TACC2: variants seen among roughly 807,000 people sequenced by gnomAD.
TACC2 encodes transforming acidic coiled-coil containing protein 2.
TACC2 carries 137 observed loss-of-function variants against 227.3 expected under a neutral mutation model. The observed-to-expected ratio is 0.60, with a 90% CI of 0.52 to 0.69. The LOEUF (loss-of-function observed/expected upper bound fraction) is 0.69. Ranked by LOEUF, TACC2 falls within the 30% of genes least tolerant of loss-of-function variation. The pLI is 0.00. For missense variants in TACC2, 3,470 were observed against 3,694.4 expected (o/e 0.94, Z 1.57); for synonymous variants, 1,523 against 1,487.5 (o/e 1.02, Z -0.55).
intron 1 of TACC2, among the ~76,000 whole-genome samples, chr10:122,010,791 T>C (rs1955826694): frequency 6.6e-6 from 1 of 152,220 alleles, no homozygotes; most frequent in Non-Finnish European, 1.5e-5. Context: ...GGAAATCTTA[T>C]CAGTTAGCTT....
chr10:122,035,250 T>C (rs1323346141), intron 2 of TACC2, among the ~76,000 whole-genome samples: 1 of 152,196 alleles, frequency 6.6e-6, no homozygotes, highest in Non-Finnish European at 1.5e-5. Context: ...TTTATTGGCT[T>C]GGTGGACATT....
intron 1 of TACC2, among the ~76,000 whole-genome samples, chr10:122,006,838 A>G (rs1299667560): frequency 6.9e-6 from 1 of 145,370 alleles, no homozygotes; most frequent in Non-Finnish European, 1.5e-5. Flanking sequence ...GCCATTTCTT[A>G]TCCTCTTCAT....
At chr10:122,045,109 A>G (rs924157924) in intron 2 of TACC2, among the ~76,000 whole-genome samples, 2 of 152,210 alleles carry the variant, frequency 1.3e-5, no homozygotes, top group African/African-American at 4.8e-5. Context: ...GGCTGAGGGT[A>G]CGTCTTTCGA....
At chr10:122,162,796 C>T (rs1486315631) in intron 7 of TACC2, among the ~76,000 whole-genome samples, 4 of 152,218 alleles carry the variant, frequency 2.6e-5, no homozygotes, top group South Asian at 2.1e-4. Context: ...AGGCCCAGCC[C>T]GTGTTTAGAA....
chr10:122,139,959 A>G (rs2090292662), intron 6 of TACC2, among the ~76,000 whole-genome samples: 1 of 152,214 alleles, frequency 6.6e-6, no homozygotes, highest in East Asian at 1.9e-4. Flanking sequence ...CAGTTCAGTG[A>G]GGGATCTGCC....
chr10:122,053,142 G>A (rs577108915), intron 3 of TACC2, among the ~76,000 whole-genome samples: 175 of 152,258 alleles, frequency 1.1e-3, no homozygotes, highest in Middle Eastern at 6.8e-3. Context: ...CCAAGACTGG[G>A]CAATTTACAA....
chr10:122,048,583 C>T (rs747126927), intron 2 of TACC2, among the ~76,000 whole-genome samples: 8 of 151,938 alleles, frequency 5.3e-5, no homozygotes, highest in Non-Finnish European at 1.2e-4. Context: ...GTCTCGAACT[C>T]CTGGGCTCAA....
chr10:122,042,814 C>A (rs1024070925), intron 2 of TACC2, among the ~76,000 whole-genome samples: 1 of 152,186 alleles, frequency 6.6e-6, no homozygotes, highest in African/African-American at 2.4e-5. Flanking sequence ...CAGCTTCCTG[C>A]CTGCTCATTC....
At chr10:121,996,694 C>T (rs922296469) in intron 1 of TACC2, among the ~76,000 whole-genome samples, 17 of 152,074 alleles carry the variant, frequency 1.1e-4, no homozygotes, top group Admixed American at 6.6e-4. Flanking sequence ...ACTGAGAGAA[C>T]GAGGTCCTCT....
intron 16 of TACC2, among the ~76,000 whole-genome samples, chr10:122,233,755 C>A (rs1484165686): frequency 1.3e-5 from 2 of 152,236 alleles, no homozygotes; most frequent in African/African-American, 2.4e-5. Flanking sequence ...CGTTTGGAGC[C>A]TCTGTGGTCA....
intron 1 of TACC2, among the ~76,000 whole-genome samples, chr10:122,020,758 C>T (rs1957233181): frequency 6.6e-6 from 1 of 152,130 alleles, no homozygotes; most frequent in African/African-American, 2.4e-5. Context: ...TCTACGGCTC[C>T]AGCTCTAAAA....
At chr10:122,123,005 T>C in intron 5 of TACC2, among the ~76,000 whole-genome samples, 1 of 152,188 alleles carries the variant, frequency 6.6e-6, no homozygotes, top group East Asian at 1.9e-4. Context: ...TTGGCCTCTC[T>C]GGTTTTGGAG....
intron 7 of TACC2, among the ~76,000 whole-genome samples, chr10:122,164,365 C>T (rs1208276111): frequency 6.6e-6 from 1 of 151,440 alleles, no homozygotes; most frequent in South Asian, 2.1e-4. Context: ...CGTGGCAGCT[C>T]CGTGCCCGGG....
chr10:122,093,627 T>G (rs78580708), intron 5 of TACC2, among the ~76,000 whole-genome samples: 1 of 152,208 alleles, frequency 6.6e-6, no homozygotes, highest in Non-Finnish European at 1.5e-5. Context: ...GTTAGACAGA[T>G]GCATTCACAT....
At chr10:122,149,737 C>G (rs944038835) in intron 7 of TACC2, among the ~76,000 whole-genome samples, 6 of 152,268 alleles carry the variant, frequency 3.9e-5, no homozygotes, top group African/African-American at 1.2e-4. Context: ...AGATGAGCCT[C>G]TCTGCCTCAC....
Position 122,248,790 on chromosome 10 carries a change from A to T in TACC2, c.8540A>T (p.Glu2847Val), listed in dbSNP as rs763843707. 1.2e-6 allele frequency: 2 copies of T among 1,614,116 alleles called. No homozygotes were observed. The highest frequency in any genetic ancestry group is 4.5e-5 in the East Asian group (2 of 44,874). ...RRYEKMKEVL[E>V]GFRKNEEVLK... is the part of the protein sequence containing the mutation. ...TATGAGAAGATGAAGGAGGTCCTAG[A>T]AGGCTTCCGCAAGGTAGGGCTGAGT... Residue 2847 changes from glutamate (E) to valine (V), a missense_variant, in exon 20 of 23, where the codon GAA becomes GTA. Coordinates refer to ENST00000369005, the MANE Select transcript of TACC2 (RefSeq NM_206862.4).
intron 8 of TACC2, among the ~76,000 whole-genome samples, chr10:122,207,376 G>C (rs1338675782): frequency 6.6e-6 from 1 of 152,168 alleles, no homozygotes; most frequent in African/African-American, 2.4e-5. Flanking sequence ...GCCCTGTGAG[G>C]GGCCCCGTGG....
chr10:122,007,588 T>C (rs1351616368), intron 1 of TACC2, among the ~76,000 whole-genome samples: 4 of 152,210 alleles, frequency 2.6e-5, no homozygotes. Flanking sequence ...TTTTACAGGA[T>C]TCCTAGTTTA....
intron 6 of TACC2, among the ~76,000 whole-genome samples, chr10:122,134,975 T>C (rs2089282901): frequency 1.3e-5 from 2 of 152,222 alleles, no homozygotes; most frequent in Admixed American, 6.5e-5. Flanking sequence ...TCCTTTTCCC[T>C]GGACACTTCC....
Sources: gnomAD v4.1 joint callset for allele counts (sites outside exome capture counted in the v4.1 genomes callset) on GRCh38, gnomAD v4.1.1 for gene constraint, MANE v1.5 for transcripts, NCBI Gene and HGNC (gene_info 2026-07-23, HGNC 2026-07-21) for gene names.